Variants in MASP2 observed in about 807,000 individuals in gnomAD.
MASP2 encodes the protein mannan-binding lectin serine protease 2.
Under a neutral mutation model 57.1 loss-of-function variants are expected in MASP2, and 49 were observed. The ratio of observed to expected loss-of-function variants is 0.86; its 90% CI spans 0.68 to 1.09. The LOEUF (loss-of-function observed/expected upper bound fraction) is 1.09, where lower values mean the gene tolerates loss of function less well. Ranked by LOEUF, MASP2 falls within the 50% of genes least tolerant of loss-of-function variation. The pLI, the probability that MASP2 is intolerant of heterozygous loss-of-function variation, is 0.00. For missense variants in MASP2, 900 were observed against 874.8 expected, an observed-to-expected ratio of 1.03 and a Z score of -0.36; for synonymous variants, 379 against 340.8, an observed-to-expected ratio of 1.11 and a Z score of -1.24.
At chr1:11,045,271 C>A (rs749609844) in intron 4 of MASP2, 137 bp downstream of exon 4, 2 of 1,292,386 alleles carry the variant, frequency 1.5e-6, no homozygotes, top group African/African-American at 2.9e-5. Flanking sequence ...AGAAGGGGAG[C>A]TGGAGGCAGC....
At position 11,030,692 on chromosome 1, in the gene MASP2, C is replaced by G. The variant is rs1240849351; in HGVS notation, c.1222+56G>C. On this transcript the variant is annotated intron_variant, in intron 9 of 10. Coordinates refer to ENST00000400897, the MANE Select transcript of MASP2 (RefSeq NM_006610.4). ...TGTTGGTTAAAGTTTATTTTCAGAC[C>G]ATGGGGGCTCAAGTTCCAAGTATTG... The G allele has an allele frequency of 7.8e-6, 12 of 1,529,044 alleles. 1 individual carries two copies. The African/African-American group carries it at 1.4e-4, about 18-fold the overall frequency. The allele number at this position is 1,529,044 out of a possible 1,614,324, so 94.7% of individuals were successfully genotyped here. A position where few individuals can be genotyped will look rare whatever the true frequency, so the allele number is the denominator to read the frequency against.
At chr1:11,040,730 G>A (rs1303860268) in intron 6 of MASP2, among the ~76,000 whole-genome samples, 1 of 151,290 alleles carries the variant, frequency 6.6e-6, no homozygotes, top group Non-Finnish European at 1.5e-5. Flanking sequence ...TGTGTAGGTA[G>A]AAGACTGGGT....
Position 11,037,828 on chromosome 1 carries a change from A to C in MASP2, c.890-17T>G, listed in dbSNP as rs551682660. 3.4e-5 allele frequency: 52 copies of C among 1,534,714 alleles called. No individual in the cohort carries two copies. In the East Asian group the frequency reaches 1.1e-3, roughly 32 times the overall value. ...AAGGCTGCGCTGCGCAGAGGAAACC[A>C]GGCTTGTTGGTTTTCATGTGGTCTA... is the stretch of plus-strand genomic sequence containing the variant. On this transcript the variant is annotated splice_polypyrimidine_tract_variant and intron_variant, in intron 6 of 10. Transcript: ENST00000400897.
chr1:11,046,541 C>T lies in MASP2; in HGVS notation c.412+15G>A. 2 of 1,613,716 alleles carry T rather than the reference C, an allele frequency of 1.2e-6. No individual in the cohort carries two copies. Among genetic ancestry groups the T allele is most frequent in the South Asian group, 1.1e-5 (1 of 91,042 alleles). On this transcript the variant is annotated intron_variant, in intron 3 of 10. Coordinates refer to ENST00000400897, the MANE Select transcript of MASP2 (RefSeq NM_006610.4). ...CTGCGCAGACTGAGATGTTGCAGGA[C>T]CCCTCTTGGCTCACCCTCGGCTGCA...
At position 11,027,009 on chromosome 1, in the gene MASP2, C is replaced by G; in HGVS notation, c.1937G>C (p.Arg646Thr). The G allele has an allele frequency of 1.3e-6, 2 of 1,598,582 alleles. No homozygotes were observed. The highest frequency in any genetic ancestry group is 1.3e-5 in the African/African-American group (1 of 74,472). ...ALVFLDSETE[R>T]WFVGGIVSWG... The stretch of plus-strand genomic sequence containing the variant: ...GGACACTATTCCTCCCACAAACCAC[C>G]TCTCTGTTTCACTATCTAGAAACAC... Residue 646 changes from arginine (R) to threonine (T), a missense_variant, in exon 11 of 11, where the codon AGG (arginine) becomes ACG (threonine). Arg to Thr is a moderately conservative substitution (Grantham distance 71). Coordinates refer to ENST00000400897, the MANE Select transcript of MASP2 (RefSeq NM_006610.4).
rs1643872881 is a variant in MASP2 at position 11,034,259 on chromosome 1, A to C, written c.1087+569T>G. Among the ~76,000 whole-genome samples the C allele has an allele frequency of 2.0e-5, 3 of 151,572 alleles. No homozygotes were observed. The South Asian group carries it at 6.2e-4, about 32-fold the overall frequency. On this transcript the variant is annotated intron_variant, in intron 8 of 10. Transcript: ENST00000400897. ...CCCTTCTCAGAAAAAAAAAAAAAAA[A>C]AAACCTTGTCAAAGAACATATTTTT...
intron 7 of MASP2, among the ~76,000 whole-genome samples, 179 bp from the exon 8 acceptor site, chr1:11,035,085 C>T (rs774035851): frequency 2.6e-5 from 4 of 152,112 alleles, no homozygotes; most frequent in African/African-American, 9.7e-5. Flanking sequence ...GGCACATGGA[C>T]GCACTGCCCC....
intron 4 of MASP2, among the ~76,000 whole-genome samples, chr1:11,044,155 T>C (rs1011281310): frequency 1.5e-4 from 23 of 152,088 alleles, no homozygotes; most frequent in African/African-American, 5.3e-4. Flanking sequence ...GGAAGAAGGG[T>C]CTCTCATCAC....
intron 6 of MASP2, among the ~76,000 whole-genome samples, chr1:11,039,730 G>C (rs570396552): frequency 6.6e-6 from 1 of 151,734 alleles, no homozygotes; most frequent in Non-Finnish European, 1.5e-5. Context: ...ATGGATAGCT[G>C]GAAGGATGGA....
At chr1:11,030,933 C>T (rs1643833928) in intron 8 of MASP2, 51 bp from the exon 9 acceptor site, 3 of 1,586,190 alleles carry the variant, frequency 1.9e-6, no homozygotes, top group African/African-American at 2.7e-5. Context: ...TCAGTGCTAA[C>T]TTTCCAAAGG....
chr1:11,043,787 G>C (rs1435117232), intron 4 of MASP2, among the ~76,000 whole-genome samples: 1 of 152,070 alleles, frequency 6.6e-6, no homozygotes, highest in Non-Finnish European at 1.5e-5. Flanking sequence ...AGCTGAAACA[G>C]GCAGCACTCG....
chr1:11,039,110 G>A (rs1478452043), intron 6 of MASP2, among the ~76,000 whole-genome samples: 27 of 151,866 alleles, frequency 1.8e-4, no homozygotes, highest in Non-Finnish European at 1.0e-4. Flanking sequence ...CCTATTCAAG[G>A]ATAGCTTCCT....
Position 11,037,818 on chromosome 1 carries a change from A to G in MASP2, c.890-7T>C, listed in dbSNP as rs373665950. ...GGATAAGGGCAAGGCTGCGCTGCGC[A>G]GAGGAAACCAGGCTTGTTGGTTTTC... On this transcript the variant is annotated splice_polypyrimidine_tract_variant and splice_region_variant and intron_variant, in intron 6 of 10. Coordinates refer to ENST00000400897, the MANE Select transcript of MASP2 (RefSeq NM_006610.4). The G allele has an allele frequency of 5.1e-6, 8 of 1,571,248 alleles. No individual in the cohort carries two copies. The East Asian group carries it at 1.4e-4, about 27-fold the overall frequency.
rs570574578 is a variant in MASP2 at position 11,028,931 on chromosome 1, T to G, written c.1297+1245A>C. 4.0e-5 allele frequency among the ~76,000 whole-genome samples: 6 copies of G among 150,924 alleles called. No individual in the cohort carries two copies. The South Asian group carries it at 1.3e-3, about 32-fold the overall frequency. ...GGTTTCACCGTTTTAGCCAGACTGG[T>G]CTTGATCTCCTGACCTCACGATCTG... On this transcript the variant is annotated intron_variant, in intron 10 of 10. Transcript: ENST00000400897.
At chr1:11,045,000 A>C in intron 4 of MASP2, 1 of 1,584,420 alleles carries the variant, frequency 6.3e-7, no homozygotes, top group Non-Finnish European at 8.6e-7. Context: ...AGAGGGAGAA[A>C]CCGAGTCGGG....
rs141900678 is a variant in MASP2 at position 11,042,396 on chromosome 1, TTGGATGGATGGATGGATGGATGGA to T, written c.889+455_889+478del. Reference sequence around the variant, plus strand: ...AAGGATGAGTGAATGGATAGATGGATTGGATGGATGGATGGATGGATGGATGGATGGATGGATGGATGGATGAAC... The same window carrying T: ...AAGGATGAGTGAATGGATAGATGGATTGGATGGATGGATGGATGGATGAAC... On this transcript the variant is annotated intron_variant, in intron 6 of 10. Coordinates refer to ENST00000400897, the MANE Select transcript of MASP2 (RefSeq NM_006610.4). 4.2e-4 allele frequency among the ~76,000 whole-genome samples: 59 copies of T among 141,948 alleles called. 1 individual carries two copies. Among genetic ancestry groups the T allele is most frequent in the Non-Finnish European group, 5.6e-4 (37 of 65,740 alleles). The allele number at this position is 141,948 out of a possible 152,430, so 93.1% of individuals were successfully genotyped here. A position where few individuals can be genotyped will look rare whatever the true frequency, so the allele number is the denominator to read the frequency against.
Position 11,047,216 on chromosome 1 carries a change from C to T in MASP2, c.-9G>A, listed in dbSNP as rs758938472. On this transcript the variant is annotated 5_prime_UTR_variant, in exon 1 of 11. Transcript: ENST00000400897. ...GCGCCCACCTACCTCATGGTGTGCC[C>T]GTCCAGCTGGCCTGGCCTGGTCTGC... is the stretch of plus-strand genomic sequence containing the variant. 6.5e-5 allele frequency: 102 copies of T among 1,560,830 alleles called. No individual in the cohort carries two copies. The Admixed American group carries it at 1.5e-3, about 23-fold the overall frequency.
intron 8 of MASP2, among the ~76,000 whole-genome samples, chr1:11,033,042 T>G (rs938484622): frequency 6.6e-6 from 1 of 151,986 alleles, no homozygotes; most frequent in African/African-American, 2.4e-5. Flanking sequence ...TAGAAAAATA[T>G]TGTCGGCCGG....
At chr1:11,028,699 T>A (rs1397666527) in intron 10 of MASP2, among the ~76,000 whole-genome samples, 2 of 29,358 alleles carry the variant, frequency 6.8e-5, no homozygotes, top group Non-Finnish European at 1.1e-4. Context: ...CTTTCTGGGT[T>A]TTTTTTCTTT....
Sources: allele counts gnomAD v4.1 joint callset (sites outside exome capture counted in the v4.1 genomes callset), GRCh38; gene constraint gnomAD v4.1.1; transcripts MANE v1.5; gene names NCBI Gene and HGNC (gene_info 2026-07-23, HGNC 2026-07-21).